SDC2: variants seen among roughly 807,000 people sequenced by gnomAD.
SDC2 encodes the protein syndecan-2.
Under a neutral mutation model 22.2 loss-of-function variants are expected in SDC2, and 13 were observed. The ratio of observed to expected loss-of-function variants is 0.59; its 90% CI spans 0.38 to 0.93. The LOEUF is 0.93. Ranked by LOEUF, SDC2 falls within the 40% of genes least tolerant of loss-of-function variation. The pLI is 0.00. For missense variants in SDC2, 235 were observed against 246.8 expected, an observed-to-expected ratio of 0.95 and a Z score of 0.32; for synonymous variants, 94 against 92.8, an observed-to-expected ratio of 1.01 and a Z score of -0.07.
intron 2 of SDC2, among the ~76,000 whole-genome samples, chr8:96,594,305 G>A (rs2130635726): frequency 6.6e-6 from 1 of 152,258 alleles, no homozygotes. Flanking sequence ...GCTGCCGGTT[G>A]AGTGTACAGC....
At chr8:96,520,692 A>G (rs1190499822) in intron 1 of SDC2, among the ~76,000 whole-genome samples, 1 of 152,216 alleles carries the variant, frequency 6.6e-6, no homozygotes, top group African/African-American at 2.4e-5. Context: ...AACAGCCGGA[A>G]CAGGCCTGGT....
At chr8:96,502,955 G>C (rs1258108600) in intron 1 of SDC2, among the ~76,000 whole-genome samples, 1 of 152,134 alleles carries the variant, frequency 6.6e-6, no homozygotes, top group Non-Finnish European at 1.5e-5. Flanking sequence ...TAGCCCAGAG[G>C]GTGGCTCAGC....
intron 1 of SDC2, among the ~76,000 whole-genome samples, chr8:96,572,909 CTTTA>C (rs1229891107): frequency 2.0e-5 from 3 of 152,096 alleles, no homozygotes; most frequent in East Asian, 3.9e-4. Context: ...TCCTAATCAG[CTTTA>C]TTTGTTTATT....
rs145848962 is a variant in SDC2 at position 96,581,400 on chromosome 8, G to A, written c.61-12080G>A. ...TCCCAGCACTTTGAGAGGCTGAGGC[G>A]GGCAGATCACTTGAGGGTTAGGAGT... On this transcript the variant is annotated intron_variant, in intron 1 of 4. Coordinates refer to ENST00000302190, the MANE Select transcript of SDC2 (RefSeq NM_002998.4). Among the ~76,000 whole-genome samples the A allele has an allele frequency of 9.9e-3, 1,502 of 152,142 alleles. 23 individuals carry two copies. Among genetic ancestry groups the A allele is most frequent in the African/African-American group, 0.033 (1,370 of 41,494 alleles).
intron 1 of SDC2, among the ~76,000 whole-genome samples, chr8:96,562,781 C>T (rs1814231652): frequency 6.6e-6 from 1 of 152,074 alleles, no homozygotes; most frequent in Non-Finnish European, 1.5e-5. Context: ...TTAAATTGCC[C>T]CATTTCTGTT....
At chr8:96,520,496 C>G (rs967529368) in intron 1 of SDC2, among the ~76,000 whole-genome samples, 4 of 152,176 alleles carry the variant, frequency 2.6e-5, no homozygotes, top group African/African-American at 4.8e-5. Flanking sequence ...TTTCCAGAGC[C>G]TCTCCTCACA....
chr8:96,523,992 T>C (rs1428213684), intron 1 of SDC2, among the ~76,000 whole-genome samples: 1 of 152,190 alleles, frequency 6.6e-6, no homozygotes, highest in Admixed American at 6.5e-5. Flanking sequence ...AGAAGTCCAG[T>C]CCAGGATAAT....
At chr8:96,580,160 C>T (rs1814566732) in intron 1 of SDC2, among the ~76,000 whole-genome samples, 1 of 152,200 alleles carries the variant, frequency 6.6e-6, no homozygotes, top group South Asian at 2.1e-4. Context: ...CACCGGTGGG[C>T]CAGGGCAGCG....
rs969878526 is a variant in SDC2 at position 96,611,778 on chromosome 8, G to T, written c.*2230G>T. 3 of 151,988 alleles carry T rather than the reference G, an allele frequency of 2.0e-5. No homozygotes were observed. Among genetic ancestry groups the T allele is most frequent in the Admixed American group, 6.6e-5 (1 of 15,222 alleles). The allele number at this position is 151,988 out of a possible 1,614,324, so 9.4% of individuals were successfully genotyped here. ...TCTGTCATGCCAAAAGTAAATCATT[G>T]TATAGACTGACATCCAGTTTTCTTC... On this transcript the variant is annotated 3_prime_UTR_variant, in exon 5 of 5. Transcript: ENST00000302190.
chr8:96,513,735 C>G (rs960891396), intron 1 of SDC2, among the ~76,000 whole-genome samples: 1 of 152,104 alleles, frequency 6.6e-6, no homozygotes, highest in African/African-American at 2.4e-5. Context: ...TTTGGACAAC[C>G]AAGAGTGAAA....
At chr8:96,495,414 C>A (rs1300983981) in intron 1 of SDC2, among the ~76,000 whole-genome samples, 2 of 152,164 alleles carry the variant, frequency 1.3e-5, no homozygotes, top group African/African-American at 4.8e-5. Flanking sequence ...GGCCTCCTCT[C>A]GTCCGCAGCT....
At chr8:96,549,613 T>G (rs1003826880) in intron 1 of SDC2, among the ~76,000 whole-genome samples, 2 of 152,178 alleles carry the variant, frequency 1.3e-5, no homozygotes, top group African/African-American at 2.4e-5. Flanking sequence ...TCATTTAGAG[T>G]AAGTTCATCA....
At chr8:96,530,996 G>T (rs1813652664) in intron 1 of SDC2, among the ~76,000 whole-genome samples, 1 of 152,190 alleles carries the variant, frequency 6.6e-6, no homozygotes, top group South Asian at 2.1e-4. Context: ...ACTGCTCTTG[G>T]CTGGAGGTAG....
chr8:96,508,296 AAATAATAATAATAATAATAAT>A lies in SDC2; in HGVS notation c.60+13993_60+14013del, dbSNP rs35792253. Among the ~76,000 whole-genome samples, 841 of 130,892 alleles carry A rather than the reference AAATAATAATAATAATAATAAT, an allele frequency of 6.4e-3. 16 individuals carry two copies. Among genetic ancestry groups the A allele is most frequent in the Non-Finnish European group, 8.2e-3 (519 of 63,356 alleles). 85.9% of individuals were successfully genotyped at this position (130,892 alleles called of 152,430 possible). On this transcript the variant is annotated intron_variant, in intron 1 of 4. Coordinates refer to ENST00000302190, the MANE Select transcript of SDC2 (RefSeq NM_002998.4). ...GGGCAACAGAGTGAGACTCCGTCTC[AAATAATAATAATAATAATAAT>A]AATAATAATAATAATAATAATAATA...
At chr8:96,550,316 T>C (rs2130535641) in intron 1 of SDC2, among the ~76,000 whole-genome samples, 1 of 152,314 alleles carries the variant, frequency 6.6e-6, no homozygotes, top group East Asian at 1.9e-4. Context: ...ATTTTGGGTC[T>C]TGGATTTTCA....
intron 1 of SDC2, among the ~76,000 whole-genome samples, chr8:96,522,288 A>G (rs1343895563): frequency 2.6e-5 from 4 of 152,196 alleles, no homozygotes; most frequent in African/African-American, 9.7e-5. Flanking sequence ...TAACCTAATC[A>G]GGACATGCCT....
At chr8:96,559,949 C>T (rs1353648349) in intron 1 of SDC2, among the ~76,000 whole-genome samples, 2 of 152,198 alleles carry the variant, frequency 1.3e-5, no homozygotes, top group African/African-American at 4.8e-5. Flanking sequence ...ATTCATTTGC[C>T]TCCTTAATTG....
intron 1 of SDC2, among the ~76,000 whole-genome samples, chr8:96,552,537 G>C (rs1277008774): frequency 6.6e-6 from 1 of 152,140 alleles, no homozygotes; most frequent in Non-Finnish European, 1.5e-5. Flanking sequence ...CAATACATTT[G>C]ATAAGTGCCG....
At chr8:96,554,181 T>G (rs1814072538) in intron 1 of SDC2, among the ~76,000 whole-genome samples, 1 of 152,222 alleles carries the variant, frequency 6.6e-6, no homozygotes, top group African/African-American at 2.4e-5. Context: ...TATGCAGTTC[T>G]GGATTTATGC....
Sources: allele counts gnomAD v4.1 joint callset (sites outside exome capture counted in the v4.1 genomes callset), GRCh38; gene constraint gnomAD v4.1.1; transcripts MANE v1.5; gene names NCBI Gene and HGNC (gene_info 2026-07-23, HGNC 2026-07-21).